Variants in ANTXR1 observed in about 807,000 individuals in gnomAD.
The protein encoded by ANTXR1 is ANTXR cell adhesion molecule 1, also known as anthrax toxin receptor 1.
ANTXR1 carries 19 observed loss-of-function variants against 78.1 expected under a neutral mutation model. The ratio of observed to expected loss-of-function variants is 0.24; its 90% CI spans 0.17 to 0.36. The LOEUF is 0.36. Among genes scored for constraint, ANTXR1 ranks in the 10% least tolerant of loss-of-function variants. The probability of loss-of-function intolerance (pLI) is 1.00; values close to 1 mark genes in which losing one functional copy is unlikely to be tolerated. For missense variants in ANTXR1, 518 were observed against 718.6 expected (o/e 0.72, Z 3.19); for synonymous variants, 273 against 260.5 (o/e 1.05, Z -0.46).
chr2:69,051,130 A>G (rs1368802898), intron 3 of ANTXR1, among the ~76,000 whole-genome samples: 1 of 152,118 alleles, frequency 6.6e-6, no homozygotes, highest in Non-Finnish European at 1.5e-5. Context: ...CAGTAAAAAT[A>G]TAAAAGTTAG....
chr2:69,121,731 C>T (rs1672351723), intron 10 of ANTXR1, among the ~76,000 whole-genome samples: 1 of 152,158 alleles, frequency 6.6e-6, no homozygotes, highest in Non-Finnish European at 1.5e-5. Flanking sequence ...TGACATAGAT[C>T]TTATTCATCT....
intron 10 of ANTXR1, among the ~76,000 whole-genome samples, chr2:69,112,247 C>T (rs149427196): frequency 1.7e-4 from 26 of 152,214 alleles, no homozygotes; most frequent in Middle Eastern, 3.4e-3. Context: ...TCATCATCAC[C>T]GCAGCCCAAA....
chr2:69,059,600 T>C (rs1466290252), intron 3 of ANTXR1, among the ~76,000 whole-genome samples: 4 of 152,132 alleles, frequency 2.6e-5, no homozygotes, highest in African/African-American at 7.2e-5. Flanking sequence ...TGTCTCAGCG[T>C]CCTGAGTAGC....
intron 12 of ANTXR1, among the ~76,000 whole-genome samples, chr2:69,140,668 G>T (rs190749339): frequency 6.6e-6 from 1 of 152,188 alleles, no homozygotes; most frequent in African/African-American, 2.4e-5. Flanking sequence ...CCCAAGGGAG[G>T]TGTTTCAGAA....
chr2:69,062,424 AT>A (rs1324326678), intron 3 of ANTXR1, among the ~76,000 whole-genome samples: 1 of 152,208 alleles, frequency 6.6e-6, no homozygotes, highest in Non-Finnish European at 1.5e-5. Flanking sequence ...CCATCTACCA[AT>A]TCAAATACTG....
intron 17 of ANTXR1, among the ~76,000 whole-genome samples, chr2:69,218,717 A>G (rs1201880745): frequency 6.6e-6 from 1 of 152,198 alleles, no homozygotes; most frequent in Non-Finnish European, 1.5e-5. Context: ...GAACAAAACC[A>G]TGACAGCCAG....
At chr2:69,177,338 T>G (rs1478888744) in intron 14 of ANTXR1, among the ~76,000 whole-genome samples, 1 of 152,136 alleles carries the variant, frequency 6.6e-6, no homozygotes, top group East Asian at 1.9e-4. Context: ...TGGGAAAAGT[T>G]CAGGGTCTGA....
At chr2:69,209,061 T>TTGAG (rs35715164) in intron 17 of ANTXR1, among the ~76,000 whole-genome samples, 57,349 of 151,760 alleles carry the variant, frequency 0.38, 12,329 homozygotes, top group East Asian at 0.88. Flanking sequence ...TGCTACCACG[T>TTGAG]TGTTTTATTA....
intron 17 of ANTXR1, among the ~76,000 whole-genome samples, chr2:69,200,411 G>A (rs956762184): frequency 5.3e-5 from 8 of 152,234 alleles, no homozygotes; most frequent in African/African-American, 1.9e-4. Context: ...CTGTCGCAGA[G>A]GCGAGAATAG....
At chr2:69,093,032 T>C (rs1349466898) in intron 9 of ANTXR1, among the ~76,000 whole-genome samples, 1 of 152,212 alleles carries the variant, frequency 6.6e-6, no homozygotes, top group African/African-American at 2.4e-5. Context: ...TTGGAATGAA[T>C]CAGAAAGTCT....
chr2:69,194,494 T>TC (rs1390243473), intron 17 of ANTXR1, among the ~76,000 whole-genome samples: 1 of 152,198 alleles, frequency 6.6e-6, no homozygotes. Context: ...ACGGACTTCT[T>TC]CCTACTGTGG....
chr2:69,021,222 C>T (rs1408649151), intron 1 of ANTXR1, among the ~76,000 whole-genome samples: 1 of 152,126 alleles, frequency 6.6e-6, no homozygotes, highest in East Asian at 1.9e-4. Flanking sequence ...CGTGAGGAGA[C>T]CGAGGTTTAG....
intron 16 of ANTXR1, among the ~76,000 whole-genome samples, chr2:69,187,735 G>T (rs2104469709): frequency 6.6e-6 from 1 of 151,064 alleles, no homozygotes; most frequent in Admixed American, 6.6e-5. Flanking sequence ...CTACAGGCGG[G>T]TGCCACCACA....
intron 1 of ANTXR1, among the ~76,000 whole-genome samples, chr2:69,028,329 C>T (rs1671421192): frequency 6.6e-6 from 1 of 151,990 alleles, no homozygotes; most frequent in Non-Finnish European, 1.5e-5. Flanking sequence ...AAAAGAAGAA[C>T]TTTATAAGTG....
intron 12 of ANTXR1, chr2:69,145,685 T>C: frequency 8.8e-7 from 1 of 1,136,006 alleles, no homozygotes; most frequent in Non-Finnish European, 1.1e-6. Context: ...ATTTCACAGT[T>C]TCTTTATTTT....
chr2:69,033,878 C>T (rs959708941), intron 1 of ANTXR1, among the ~76,000 whole-genome samples: 10 of 152,178 alleles, frequency 6.6e-5, no homozygotes, highest in Non-Finnish European at 1.3e-4. Context: ...TTCTTTCTGA[C>T]TCTGGTTGTA....
intron 14 of ANTXR1, chr2:69,172,570 G>A (rs776659436): frequency 3.5e-4 from 470 of 1,336,772 alleles, no homozygotes; most frequent in Non-Finnish European, 4.3e-4. Context: ...ACTCTCTGCC[G>A]TATATATGAA....
At chr2:69,036,252 G>A (rs934178967) in intron 1 of ANTXR1, among the ~76,000 whole-genome samples, 3 of 152,084 alleles carry the variant, frequency 2.0e-5, no homozygotes, top group East Asian at 3.9e-4. Flanking sequence ...CATAGTGGAT[G>A]TATATATTTA....
At chr2:69,040,837 C>T (rs1328927865) in intron 2 of ANTXR1, among the ~76,000 whole-genome samples, 1 of 152,170 alleles carries the variant, frequency 6.6e-6, no homozygotes, top group African/African-American at 2.4e-5. Flanking sequence ...GTCTGATCAT[C>T]GTAAGTTCTA....
Sources: gnomAD v4.1 joint callset for allele counts (sites outside exome capture counted in the v4.1 genomes callset) on GRCh38, gnomAD v4.1.1 for gene constraint, MANE v1.5 for transcripts, NCBI Gene and HGNC (gene_info 2026-07-23, HGNC 2026-07-21) for gene names.